KHDRBS2: variants seen among roughly 807,000 people sequenced by gnomAD.
KHDRBS2 encodes KH domain-containing, RNA-binding, signal transduction-associated protein 2.
In KHDRBS2, 26 loss-of-function variants were observed where a neutral mutation model predicts 44.3. That is an observed-to-expected ratio of 0.59 (90% CI 0.43 to 0.81). The LOEUF (loss-of-function observed/expected upper bound fraction) is 0.81, where lower values mean the gene tolerates loss of function less well. Ranked by LOEUF, KHDRBS2 falls within the 40% of genes least tolerant of loss-of-function variation. The pLI is 0.00. For missense variants in KHDRBS2, 476 were observed against 433.1 expected (o/e 1.10, Z -0.88); for synonymous variants, 194 against 151.1 (o/e 1.28, Z -2.08).
rs1468632717 is a variant in KHDRBS2, at chr6:61,954,982, G to T, written c.483+23084C>A. Among the ~76,000 whole-genome samples, 3 of 101,792 alleles carry T rather than the reference G, an allele frequency of 2.9e-5. No homozygotes were observed. The East Asian group carries it at 9.4e-4, about 32-fold the overall frequency. 66.8% of individuals were successfully genotyped at this position (101,792 alleles called of 152,430 possible). A position where few individuals can be genotyped will look rare whatever the true frequency, so the allele number is the denominator to read the frequency against. On this transcript the variant is annotated intron_variant, in intron 4 of 8. Transcript: ENST00000281156. The stretch of plus-strand genomic sequence containing the variant: ...TGTATATATACGCATACATATGTAT[G>T]TGTATACATATATAGACATACATAT...
chr6:61,655,858 T>G, the KHDRBS2 span, among the ~76,000 whole-genome samples: 1 of 152,040 alleles, frequency 6.6e-6, no homozygotes, highest in African/African-American at 2.4e-5. Flanking sequence ...GGCCTGACAC[T>G]GAGATGTGGA....
At chr6:62,034,625 G>A (rs527921646) in intron 3 of KHDRBS2, among the ~76,000 whole-genome samples, 1 of 135,556 alleles carries the variant, frequency 7.4e-6, no homozygotes, top group South Asian at 2.5e-4. Context: ...CAAAAATTGT[G>A]TATAGAAGAA....
rs372917831 is a variant in KHDRBS2 at position 62,097,375 on chromosome 6, G to A, written c.220-49381C>T. On this transcript the variant is annotated intron_variant, in intron 2 of 8. Coordinates refer to ENST00000281156, the MANE Select transcript of KHDRBS2 (RefSeq NM_152688.4). ...CATTTGACTATTTCTCTCTCTTTAA[G>A]TCTAATAATATTTGTTATATATACT... is the stretch of plus-strand genomic sequence containing the variant. Among the ~76,000 whole-genome samples, 170 of 151,992 alleles carry A rather than the reference G, an allele frequency of 1.1e-3. 1 individual carries two copies. Among genetic ancestry groups the A allele is most frequent in the South Asian group, 6.8e-3 (33 of 4,824 alleles).
At chr6:62,212,594 C>A (rs1468093280) in intron 1 of KHDRBS2, among the ~76,000 whole-genome samples, 1 of 152,018 alleles carries the variant, frequency 6.6e-6, no homozygotes, top group East Asian at 1.9e-4. Flanking sequence ...TGACTAGTGT[C>A]CTTATAAAAA....
At chr6:62,006,957 G>A (rs1019361958) in intron 3 of KHDRBS2, among the ~76,000 whole-genome samples, 5 of 151,852 alleles carry the variant, frequency 3.3e-5, no homozygotes, top group African/African-American at 7.2e-5. Context: ...TGTACTGAAA[G>A]TTAAAAAAAT....
At chr6:61,773,493 G>T (rs1217460240) in intron 6 of KHDRBS2, among the ~76,000 whole-genome samples, 2 of 151,808 alleles carry the variant, frequency 1.3e-5, no homozygotes, top group East Asian at 3.9e-4. Flanking sequence ...GGGGTTGTTT[G>T]TTTTTTTCTT....
chr6:61,602,276 C>T, the KHDRBS2 span, among the ~76,000 whole-genome samples: 1 of 152,134 alleles, frequency 6.6e-6, no homozygotes, highest in African/African-American at 2.4e-5. Context: ...CACTGTGAGA[C>T]AAACCCCAGC....
intron 2 of KHDRBS2, among the ~76,000 whole-genome samples, chr6:62,150,277 CAGGGA>C (rs1814853460): frequency 6.8e-6 from 1 of 147,506 alleles, no homozygotes; most frequent in Admixed American, 6.8e-5. Context: ...ACAGTTGATG[CAGGGA>C]TCATGCTTAA....
chr6:62,065,780 T>TA (rs57422009), intron 2 of KHDRBS2, among the ~76,000 whole-genome samples: 191 of 125,432 alleles, frequency 1.5e-3, no homozygotes, highest in South Asian at 2.6e-3. Flanking sequence ...ACTTAAAGTA[T>TA]AAAAAAAAAA....
intron 7 of KHDRBS2, among the ~76,000 whole-genome samples, chr6:61,721,378 C>T (rs189830272): frequency 0.022 from 3,415 of 151,892 alleles, 121 homozygotes; most frequent in African/African-American, 0.078. Context: ...GCAGTATGGC[C>T]ATTTTCACGA....
rs530571030 is a variant in KHDRBS2, at chr6:62,176,320, G to T, written c.219+865C>A. Among the ~76,000 whole-genome samples the T allele has an allele frequency of 7.3e-5, 11 of 151,330 alleles. No homozygotes were observed. The East Asian group carries it at 1.4e-3, about 19-fold the overall frequency. Reference sequence around the variant, plus strand: ...TCAAAGATAAATTTTATGGTTTGCTGGGCTTTAACAATTTTATCCCTGTTT... The same window carrying T: ...TCAAAGATAAATTTTATGGTTTGCTTGGCTTTAACAATTTTATCCCTGTTT... On this transcript the variant is annotated intron_variant, in intron 2 of 8. Coordinates refer to ENST00000281156, the MANE Select transcript of KHDRBS2 (RefSeq NM_152688.4).
At chr6:61,682,240 A>C (rs1050029197) in intron 8 of KHDRBS2, among the ~76,000 whole-genome samples, 2 of 151,938 alleles carry the variant, frequency 1.3e-5, no homozygotes, top group African/African-American at 4.8e-5. Flanking sequence ...ACTATGTAGA[A>C]AAATGATCAA....
intron 1 of KHDRBS2, among the ~76,000 whole-genome samples, chr6:62,260,279 T>C (rs1838127148): frequency 6.6e-6 from 1 of 151,998 alleles, no homozygotes; most frequent in African/African-American, 2.4e-5. Flanking sequence ...TCAAATAAAG[T>C]ATTAAGTGCC....
intron 2 of KHDRBS2, among the ~76,000 whole-genome samples, chr6:62,093,451 G>T (rs1377822457): frequency 6.6e-6 from 1 of 151,792 alleles, no homozygotes; most frequent in African/African-American, 2.4e-5. Flanking sequence ...TAATTAGCAT[G>T]TCCATCACCT....
intron 6 of KHDRBS2, among the ~76,000 whole-genome samples, chr6:61,812,274 C>A (rs901027866): frequency 2.6e-5 from 4 of 151,724 alleles, no homozygotes; most frequent in African/African-American, 9.7e-5. Context: ...GATAATTAAA[C>A]CTTGAAATGT....
intron 6 of KHDRBS2, among the ~76,000 whole-genome samples, chr6:61,871,387 G>T (rs1402643557): frequency 6.6e-6 from 1 of 152,192 alleles, no homozygotes; most frequent in African/African-American, 2.4e-5. Flanking sequence ...TTTGATTGGT[G>T]TACCTGAAAG....
chr6:62,090,986 G>A (rs1799387353), intron 2 of KHDRBS2, among the ~76,000 whole-genome samples: 1 of 152,156 alleles, frequency 6.6e-6, no homozygotes, highest in African/African-American at 2.4e-5. Context: ...GGCATAATCT[G>A]ATTTCCACAA....
the KHDRBS2 span, among the ~76,000 whole-genome samples, chr6:61,636,610 C>A: frequency 1.3e-5 from 2 of 152,078 alleles, no homozygotes; most frequent in Non-Finnish European, 2.9e-5. Flanking sequence ...CACAACTGGG[C>A]AGATGCTATT....
At chr6:62,172,197 A>G (rs1820145873) in intron 2 of KHDRBS2, among the ~76,000 whole-genome samples, 1 of 152,150 alleles carries the variant, frequency 6.6e-6, no homozygotes, top group Non-Finnish European at 1.5e-5. Context: ...ACATGCAATG[A>G]CATCCATAGG....
Sources: allele counts gnomAD v4.1 joint callset (sites outside exome capture counted in the v4.1 genomes callset), GRCh38; gene constraint gnomAD v4.1.1; transcripts MANE v1.5; gene names NCBI Gene and HGNC (gene_info 2026-07-23, HGNC 2026-07-21).